DLGAP2: variants seen among roughly 807,000 people sequenced by gnomAD.
DLGAP2 encodes the protein disks large-associated protein 2.
DLGAP2 carries 26 observed loss-of-function variants against 100.3 expected under a neutral mutation model. The observed-to-expected ratio is 0.26, with a 90% CI of 0.19 to 0.36. DLGAP2 has a LOEUF of 0.36. DLGAP2 is among the 10% of genes least tolerant of loss of function. The probability of loss-of-function intolerance (pLI) is 1.00; values close to 1 mark genes in which losing one functional copy is unlikely to be tolerated. For missense variants in DLGAP2, 1,858 were observed against 1,453.2 expected (o/e 1.28, Z -4.53); for synonymous variants, 886 against 630.1 (o/e 1.41, Z -6.08).
At chr8:878,540 C>G (rs1797726175) in intron 1 of DLGAP2, among the ~76,000 whole-genome samples, 1 of 152,132 alleles carries the variant, frequency 6.6e-6, no homozygotes, top group Non-Finnish European at 1.5e-5. Flanking sequence ...GATAGCCATT[C>G]TCAATCTTGT....
At chr8:1,361,236 T>C (rs756811012) in intron 3 of DLGAP2, among the ~76,000 whole-genome samples, 6 of 152,156 alleles carry the variant, frequency 3.9e-5, no homozygotes, top group Admixed American at 6.5e-5. Context: ...TGCGGCAAGG[T>C]GACTCCCCAA....
intron 3 of DLGAP2, among the ~76,000 whole-genome samples, chr8:1,485,614 C>G (rs907435883): frequency 2.6e-5 from 4 of 152,326 alleles, no homozygotes; most frequent in Non-Finnish European, 5.9e-5. Flanking sequence ...AAGGAGAACG[C>G]TTCAGTTCCC....
chr8:1,378,370 A>T (rs1217467839), intron 3 of DLGAP2, among the ~76,000 whole-genome samples: 1 of 149,540 alleles, frequency 6.7e-6, no homozygotes, highest in Non-Finnish European at 1.5e-5. Context: ...TCCTGCACAC[A>T]CCTGACCTCA....
At position 810,688 on chromosome 8, in the gene DLGAP2, G is replaced by A. The variant is rs113176865; in HGVS notation, c.18+72863G>A. ...TTCTTGTCCAATTTGTTTATCAGTG[G>A]GTTTTTAAACTGAGAACAGAGGAGG... On this transcript the variant is annotated intron_variant, in intron 1 of 14. Transcript: ENST00000637795. Among the ~76,000 whole-genome samples the A allele has an allele frequency of 3.6e-3, 554 of 152,222 alleles. 2 individuals are homozygous for A. Among genetic ancestry groups the A allele is most frequent in the African/African-American group, 0.013 (523 of 41,538 alleles).
At chr8:945,308 C>T (rs758530155) in intron 2 of DLGAP2, among the ~76,000 whole-genome samples, 2 of 152,198 alleles carry the variant, frequency 1.3e-5, no homozygotes, top group South Asian at 2.1e-4. Flanking sequence ...TGCATCTCTC[C>T]TTGGCCTGTC....
At chr8:1,539,373 C>T (rs1200807400) in intron 4 of DLGAP2, among the ~76,000 whole-genome samples, 1 of 152,152 alleles carries the variant, frequency 6.6e-6, no homozygotes, top group Non-Finnish European at 1.5e-5. Context: ...AAGAGGAAAA[C>T]AGGTTACCAC....
At chr8:1,621,434 C>G (rs1797333222) in intron 6 of DLGAP2, 1 of 152,440 alleles carries the variant, frequency 6.6e-6, no homozygotes, top group African/African-American at 2.4e-5. Flanking sequence ...AGAGGAGAGC[C>G]AGAAGAGGTT....
At chr8:920,025 T>A (rs567463985) in intron 2 of DLGAP2, among the ~76,000 whole-genome samples, 1 of 152,272 alleles carries the variant, frequency 6.6e-6, no homozygotes, top group South Asian at 2.1e-4. Context: ...AGGATGGCCA[T>A]GATTTGTTAC....
intron 2 of DLGAP2, among the ~76,000 whole-genome samples, chr8:1,175,550 G>A (rs920214247): frequency 1.2e-4 from 18 of 152,186 alleles, no homozygotes; most frequent in African/African-American, 4.3e-4. Context: ...AGAACATTGT[G>A]TTCTAGCTCT....
At chr8:1,252,571 C>T (rs748264793) in intron 2 of DLGAP2, among the ~76,000 whole-genome samples, 1 of 152,272 alleles carries the variant, frequency 6.6e-6, no homozygotes, top group Non-Finnish European at 1.5e-5. Context: ...TGTCCTGGGT[C>T]ATGGTGTCCC....
intron 2 of DLGAP2, among the ~76,000 whole-genome samples, chr8:1,021,701 T>G (rs1237289518): frequency 6.6e-6 from 1 of 152,158 alleles, no homozygotes; most frequent in African/African-American, 2.4e-5. Context: ...AGGTGAGTAC[T>G]TCCCTGGGAA....
intron 2 of DLGAP2, among the ~76,000 whole-genome samples, chr8:1,169,345 G>T (rs1442005126): frequency 2.0e-5 from 3 of 152,124 alleles, no homozygotes; most frequent in Non-Finnish European, 4.4e-5. Context: ...TTTTGGCTTA[G>T]GATTGACTTG....
chr8:1,448,664 T>G (rs537556158), intron 3 of DLGAP2, among the ~76,000 whole-genome samples: 17 of 152,340 alleles, frequency 1.1e-4, no homozygotes, highest in Admixed American at 9.2e-4. Context: ...TAAATAAATT[T>G]AATACTTCTG....
chr8:1,308,371 C>T (rs1800540067), intron 3 of DLGAP2, among the ~76,000 whole-genome samples: 1 of 152,154 alleles, frequency 6.6e-6, no homozygotes, highest in African/African-American at 2.4e-5. Context: ...CAGACTACAC[C>T]AGCCTTCAAC....
At chr8:1,365,459 C>T (rs1332165466) in intron 3 of DLGAP2, among the ~76,000 whole-genome samples, 2 of 152,158 alleles carry the variant, frequency 1.3e-5, no homozygotes, top group African/African-American at 4.8e-5. Context: ...ATCCACAGGG[C>T]TCACTCCTAA....
intron 3 of DLGAP2, among the ~76,000 whole-genome samples, chr8:1,313,182 C>G (rs764798194): frequency 9.9e-5 from 15 of 152,180 alleles, no homozygotes; most frequent in Non-Finnish European, 1.9e-4. Context: ...TAAAACAAAA[C>G]AGGCCAGAAA....
At chr8:1,238,147 C>G (rs1477147898) in intron 2 of DLGAP2, among the ~76,000 whole-genome samples, 2 of 27,114 alleles carry the variant, frequency 7.4e-5, no homozygotes, top group East Asian at 2.1e-3. Context: ...GTCTAGTTCT[C>G]TCTCACACAT....
At chr8:1,028,275 G>C (rs371009077) in intron 2 of DLGAP2, among the ~76,000 whole-genome samples, 74 of 127,960 alleles carry the variant, frequency 5.8e-4, no homozygotes, top group East Asian at 3.1e-3. Flanking sequence ...TTCTCCAGGT[G>C]GGGTGTCAGG....
At chr8:1,268,659 C>A (rs1799515981) in intron 3 of DLGAP2, among the ~76,000 whole-genome samples, 1 of 152,160 alleles carries the variant, frequency 6.6e-6, no homozygotes, top group African/African-American at 2.4e-5. Flanking sequence ...TCCAGGAATA[C>A]AAAGATGTTG....
Sources: gnomAD v4.1 joint callset for allele counts (sites outside exome capture counted in the v4.1 genomes callset) on GRCh38, gnomAD v4.1.1 for gene constraint, MANE v1.5 for transcripts, NCBI Gene and HGNC (gene_info 2026-07-23, HGNC 2026-07-21) for gene names.